Variants in CDK12 observed in about 807,000 individuals in gnomAD.
CDK12 encodes the protein cyclin dependent kinase 12.
A neutral mutation model predicts 133.8 loss-of-function variants in CDK12; 17 were observed. That is an observed-to-expected ratio of 0.13 (90% CI 0.09 to 0.19). CDK12 has a LOEUF of 0.19. CDK12 is among the 10% of genes least tolerant of loss of function. The pLI, the probability that CDK12 is intolerant of heterozygous loss-of-function variation, is 1.00. For missense variants in CDK12, 1,508 were observed against 1,818.7 expected (o/e 0.83, Z 3.11); for synonymous variants, 694 against 683.6 (o/e 1.02, Z -0.24).
intron 8 of CDK12, among the ~76,000 whole-genome samples, chr17:39,512,004 T>C (rs576222301): frequency 6.6e-6 from 1 of 152,370 alleles, no homozygotes; most frequent in East Asian, 1.9e-4. Context: ...TCACTTGTCC[T>C]ATCCAGCCTT....
At chr17:39,512,406 G>A (rs2053557044) in intron 8 of CDK12, among the ~76,000 whole-genome samples, 2 of 152,198 alleles carry the variant, frequency 1.3e-5, no homozygotes, top group South Asian at 4.1e-4. Context: ...ATCAGAGTTG[G>A]AAGGTGGGGA....
chr17:39,504,931 A>T (rs944917131), intron 6 of CDK12, among the ~76,000 whole-genome samples: 2 of 146,634 alleles, frequency 1.4e-5, no homozygotes, highest in African/African-American at 5.0e-5. Context: ...ATAAAAAGGG[A>T]GCAGTTGAAG....
rs1381772202 is a variant in CDK12, at chr17:39,515,797, A to G, written c.2835A>G (p.Leu945=). 1 of 1,611,508 alleles carries G rather than the reference A, an allele frequency of 6.2e-7. No homozygotes were observed. The highest frequency in any genetic ancestry group is 1.7e-5 in the Admixed American group (1 of 59,922). Residue 945 remains leucine, a synonymous_variant, in exon 9 of 14, where the codon CTA becomes CTG. Coordinates refer to ENST00000447079, the MANE Select transcript of CDK12 (RefSeq NM_016507.4). ...IFQANLELAQ[L]ELISRLCGSP... is the part of the protein sequence containing the mutation. ...AAGCCAATCTGGAACTGGCTCAGCT[A>G]GAACTGATCAGGTACAGCTGTACAT...
At chr17:39,497,706 A>G (rs1483045235) in intron 5 of CDK12, among the ~76,000 whole-genome samples, 3 of 151,980 alleles carry the variant, frequency 2.0e-5, no homozygotes, top group Non-Finnish European at 4.4e-5. Flanking sequence ...AGGCTCAAGC[A>G]ATCCTCCATG....
Position 39,518,091 on chromosome 17 carries a change from C to T in CDK12, c.2963+535C>T, listed in dbSNP as rs1041756347. Among the ~76,000 whole-genome samples, 2 of 151,962 alleles carry T rather than the reference C, an allele frequency of 1.3e-5. 1 individual carries two copies. Among genetic ancestry groups the T allele is most frequent in the South Asian group, 4.1e-4 (2 of 4,826 alleles). On this transcript the variant is annotated intron_variant, in intron 10 of 13. Coordinates refer to ENST00000447079, the MANE Select transcript of CDK12 (RefSeq NM_016507.4). The stretch of plus-strand genomic sequence containing the variant: ...CCCCCAAGTTCAAGTGATTCTCCTG[C>T]CTCAGCCTCCCAATGTAGTTGGGAT...
intron 9 of CDK12, among the ~76,000 whole-genome samples, chr17:39,516,146 C>T (rs981246157): frequency 6.6e-6 from 1 of 152,120 alleles, no homozygotes; most frequent in Non-Finnish European, 1.5e-5. Flanking sequence ...TTACTTTTAA[C>T]ATTAAACTTT....
intron 2 of CDK12, among the ~76,000 whole-genome samples, chr17:39,477,361 A>T (rs1399055522): frequency 6.7e-6 from 1 of 148,446 alleles, no homozygotes; most frequent in Non-Finnish European, 1.5e-5. Flanking sequence ...TCAGCCTCCC[A>T]AGTAGCTGGG....
chr17:39,527,023 G>A (rs1201582856), intron 13 of CDK12, among the ~76,000 whole-genome samples: 1 of 152,186 alleles, frequency 6.6e-6, no homozygotes, highest in Non-Finnish European at 1.5e-5. Context: ...AGAGGGAAAA[G>A]CAGTTTAAGT....
chr17:39,506,708 G>C (rs1440973048), intron 6 of CDK12, among the ~76,000 whole-genome samples: 1 of 152,102 alleles, frequency 6.6e-6, no homozygotes, highest in Admixed American at 6.6e-5. Context: ...TTACGTGAAA[G>C]AGGGCTGAAC....
At position 39,462,047 on chromosome 17, in the gene CDK12, C is replaced by T; in HGVS notation, c.-25C>T. The T allele has an allele frequency of 6.3e-7, 1 of 1,591,740 alleles. No homozygotes were observed. Among genetic ancestry groups the T allele is most frequent in the Non-Finnish European group, 8.6e-7 (1 of 1,165,926 alleles). On this transcript the variant is annotated 5_prime_UTR_variant, in exon 1 of 14. Coordinates refer to ENST00000447079, the MANE Select transcript of CDK12 (RefSeq NM_016507.4). ...TTTGGAGTGCTGGGGAACTTTTTTC[C>T]CTTCTTCAGGTCAGGGGAAAGGGAA...
At chr17:39,488,725 T>C (rs1417829420) in intron 2 of CDK12, among the ~76,000 whole-genome samples, 1 of 152,060 alleles carries the variant, frequency 6.6e-6, no homozygotes, top group Non-Finnish European at 1.5e-5. Flanking sequence ...TTTAAGAAAA[T>C]TACTTCCTGC....
intron 2 of CDK12, among the ~76,000 whole-genome samples, chr17:39,479,828 T>C (rs1235153924): frequency 2.6e-5 from 4 of 152,016 alleles, no homozygotes; most frequent in African/African-American, 9.7e-5. Context: ...GGTCTCCTCA[T>C]GTTGGCCAGG....
At chr17:39,497,506 G>A (rs902765935) in intron 5 of CDK12, among the ~76,000 whole-genome samples, 2 of 150,646 alleles carry the variant, frequency 1.3e-5, no homozygotes, top group Non-Finnish European at 2.9e-5. Context: ...TTGAGTTACT[G>A]CACTTTAGCC....
At chr17:39,476,723 T>TTCTTTTTTC (rs1567696904) in intron 2 of CDK12, among the ~76,000 whole-genome samples, 2 of 113,332 alleles carry the variant, frequency 1.8e-5, no homozygotes, top group African/African-American at 6.8e-5. Flanking sequence ...TTTTTTTTTT[T>TTCTTTTTTC]TTTTTTTTTT....
At chr17:39,497,338 G>A (rs2052206968) in intron 5 of CDK12, among the ~76,000 whole-genome samples, 1 of 152,072 alleles carries the variant, frequency 6.6e-6, no homozygotes, top group African/African-American at 2.4e-5. Context: ...GAAGTCAGGA[G>A]TTTGAGCCAA....
At chr17:39,510,900 A>G (rs991007626) in intron 7 of CDK12, among the ~76,000 whole-genome samples, 3 of 136,846 alleles carry the variant, frequency 2.2e-5, no homozygotes, top group Admixed American at 2.1e-4. Context: ...GGCGTGAGCC[A>G]CCGTGCCTGG....
chr17:39,524,098 A>G (rs2054346239), intron 11 of CDK12, among the ~76,000 whole-genome samples: 1 of 152,232 alleles, frequency 6.6e-6, no homozygotes, highest in Admixed American at 6.5e-5. Flanking sequence ...ATTCTGGACT[A>G]AGTTATACGT....
intron 2 of CDK12, among the ~76,000 whole-genome samples, chr17:39,475,362 A>G (rs1229565106): frequency 6.6e-6 from 1 of 151,946 alleles, no homozygotes; most frequent in Admixed American, 6.6e-5. Flanking sequence ...AGCCCTAGCT[A>G]CTTGGGAGGC....
rs370491026 is a variant in CDK12, at chr17:39,490,323, C to T, written c.1932-234C>T. ...CAGAGGTTGTAGTGAGCCAAGATCA[C>T]GCCACTGCATTCTAGCCTGGGCGAC... is the stretch of plus-strand genomic sequence containing the variant. On this transcript the variant is annotated intron_variant, in intron 2 of 13. Coordinates refer to ENST00000447079, the MANE Select transcript of CDK12 (RefSeq NM_016507.4). Among the ~76,000 whole-genome samples the T allele has an allele frequency of 8.3e-4, 126 of 151,458 alleles. No homozygotes were observed. The South Asian group carries it at 0.024, about 28-fold the overall frequency.
Sources: allele counts gnomAD v4.1 joint callset (sites outside exome capture counted in the v4.1 genomes callset), GRCh38; gene constraint gnomAD v4.1.1; transcripts MANE v1.5; gene names NCBI Gene and HGNC (gene_info 2026-07-23, HGNC 2026-07-21).